Variants in SUPT3H observed in about 807,000 individuals in gnomAD.
The protein encoded by SUPT3H is transcription initiation protein SPT3 homolog.
Under a neutral mutation model 44.3 loss-of-function variants are expected in SUPT3H, and 44 were observed. That is an observed-to-expected ratio of 0.99 (90% CI 0.78 to 1.28). The LOEUF (loss-of-function observed/expected upper bound fraction) is 1.28, where lower values mean the gene tolerates loss of function less well. Ranked by LOEUF, SUPT3H falls within the 50% of genes most tolerant of loss-of-function variation. SUPT3H has a pLI of 0.00. For synonymous variants in SUPT3H, 124 were observed against 125.6 expected, an observed-to-expected ratio of 0.99 and a Z score of 0.09; for missense variants, 380 against 387.1, an observed-to-expected ratio of 0.98 and a Z score of 0.15.
intron 10 of SUPT3H, among the ~76,000 whole-genome samples, chr6:44,886,951 AG>A (rs1466396832): frequency 6.6e-6 from 1 of 152,194 alleles, no homozygotes; most frequent in Non-Finnish European, 1.5e-5. Flanking sequence ...AAACAAAAAA[AG>A]GCAGGGGTTG....
chr6:45,041,648 G>GA (rs1788550988), intron 3 of SUPT3H, among the ~76,000 whole-genome samples: 1 of 152,122 alleles, frequency 6.6e-6, no homozygotes, highest in Non-Finnish European at 1.5e-5. Flanking sequence ...AGGAGCAGCT[G>GA]AAAATGCAAA....
intron 3 of SUPT3H, among the ~76,000 whole-genome samples, chr6:45,087,636 T>C (rs963116636): frequency 1.4e-4 from 21 of 151,866 alleles, no homozygotes; most frequent in Admixed American, 1.2e-3. Context: ...TACAAACACA[T>C]TCATAGTATT....
chr6:45,357,167 T>C (rs761234255), intron 2 of SUPT3H, among the ~76,000 whole-genome samples: 1 of 151,860 alleles, frequency 6.6e-6, no homozygotes, highest in Non-Finnish European at 1.5e-5. Context: ...CCACCAAGCC[T>C]GGCTAATTTT....
chr6:45,060,525 A>G (rs1156794476), intron 3 of SUPT3H, among the ~76,000 whole-genome samples: 1 of 152,146 alleles, frequency 6.6e-6, no homozygotes, highest in African/African-American at 2.4e-5. Context: ...TTCTGGACAC[A>G]GGCATGGGCA....
At chr6:45,168,142 C>A (rs1810204571) in intron 2 of SUPT3H, among the ~76,000 whole-genome samples, 1 of 151,728 alleles carries the variant, frequency 6.6e-6, no homozygotes, top group Non-Finnish European at 1.5e-5. Flanking sequence ...TGAAAGTGTA[C>A]CTCTCACCAA....
intron 11 of SUPT3H, among the ~76,000 whole-genome samples, chr6:44,818,913 A>G (rs1356279215): frequency 2.0e-5 from 3 of 152,230 alleles, no homozygotes. Flanking sequence ...ACATTTTGGT[A>G]GTTTTTTATA....
intron 6 of SUPT3H, among the ~76,000 whole-genome samples, chr6:44,989,939 C>T (rs1780370778): frequency 6.6e-6 from 1 of 151,970 alleles, no homozygotes; most frequent in African/African-American, 2.4e-5. Flanking sequence ...TTCTCCCAAC[C>T]CACAGGTTTC....
chr6:45,021,405 T>C (rs1785117687), intron 3 of SUPT3H, among the ~76,000 whole-genome samples: 1 of 151,884 alleles, frequency 6.6e-6, no homozygotes. Flanking sequence ...GTTCCGTTTT[T>C]TGGCACAGGC....
At chr6:45,216,038 G>C (rs115197227) in intron 2 of SUPT3H, among the ~76,000 whole-genome samples, 1 of 152,072 alleles carries the variant, frequency 6.6e-6, no homozygotes, top group African/African-American at 2.4e-5. Flanking sequence ...TGAAAAGTGT[G>C]GGGGGATGGG....
chr6:44,831,054 C>CAAAT (rs1477447637), intron 10 of SUPT3H, among the ~76,000 whole-genome samples: 1 of 152,026 alleles, frequency 6.6e-6, no homozygotes, highest in East Asian at 1.9e-4. Context: ...TGAGGTGAAA[C>CAAAT]AAATATAGTT....
At chr6:45,324,458 G>A (rs764736103) in intron 2 of SUPT3H, among the ~76,000 whole-genome samples, 1 of 151,888 alleles carries the variant, frequency 6.6e-6, no homozygotes, top group South Asian at 2.1e-4. Flanking sequence ...GTATTCATTA[G>A]TGAGGATTAA....
Position 45,135,079 on chromosome 6 carries a change from T to G in SUPT3H, c.102-29073A>C, listed in dbSNP as rs192931699. 5.4e-4 allele frequency among the ~76,000 whole-genome samples: 83 copies of G among 152,308 alleles called. 1 individual carries two copies. The highest frequency in any genetic ancestry group is 2.0e-3 in the African/African-American group (82 of 41,570). ...TAGTGGCATAATCAGCACTTGAGCC[T>G]GCTTGAGCCATGGCTGAGGTGGACA... On this transcript the variant is annotated intron_variant, in intron 2 of 10. Coordinates refer to ENST00000371459, the MANE Select transcript of SUPT3H (RefSeq NM_003599.4).
chr6:45,037,938 A>C (rs1421962075), intron 3 of SUPT3H, among the ~76,000 whole-genome samples: 1 of 152,132 alleles, frequency 6.6e-6, no homozygotes, highest in African/African-American at 2.4e-5. Flanking sequence ...ATACAGTTAT[A>C]CAATTAATGC....
At chr6:45,330,329 C>G (rs906405644) in intron 2 of SUPT3H, among the ~76,000 whole-genome samples, 2 of 151,748 alleles carry the variant, frequency 1.3e-5, no homozygotes, top group Admixed American at 1.3e-4. Flanking sequence ...GCTTATACAT[C>G]GAAAGTTTTG....
At chr6:45,321,059 T>C (rs557977001) in intron 2 of SUPT3H, among the ~76,000 whole-genome samples, 7 of 152,208 alleles carry the variant, frequency 4.6e-5, no homozygotes, top group African/African-American at 1.4e-4. Flanking sequence ...TAGCCTTGAA[T>C]TACCATAATA....
intron 3 of SUPT3H, among the ~76,000 whole-genome samples, chr6:45,061,848 A>G (rs1403540833): frequency 6.7e-6 from 1 of 149,256 alleles, no homozygotes; most frequent in Admixed American, 6.7e-5. Flanking sequence ...TCAGAGTTAC[A>G]CCCCAAAATC....
chr6:45,356,371 C>T (rs932375977), intron 2 of SUPT3H, among the ~76,000 whole-genome samples: 4 of 151,802 alleles, frequency 2.6e-5, no homozygotes, highest in African/African-American at 7.3e-5. Flanking sequence ...CATCTTAAAA[C>T]ACATTGGAAT....
chr6:45,278,456 A>T (rs1008006437), intron 2 of SUPT3H, among the ~76,000 whole-genome samples: 1 of 152,198 alleles, frequency 6.6e-6, no homozygotes, highest in African/African-American at 2.4e-5. Flanking sequence ...CAACTATGAA[A>T]ATAAGTGGGT....
intron 10 of SUPT3H, among the ~76,000 whole-genome samples, chr6:44,881,793 A>T (rs1359652756): frequency 6.6e-6 from 1 of 152,300 alleles, no homozygotes; most frequent in South Asian, 2.1e-4. Context: ...CTACTGGGTA[A>T]ATAATAAAAT....
Sources: allele counts gnomAD v4.1 joint callset (sites outside exome capture counted in the v4.1 genomes callset), GRCh38; gene constraint gnomAD v4.1.1; transcripts MANE v1.5; gene names NCBI Gene and HGNC (gene_info 2026-07-23, HGNC 2026-07-21).